NELL2: variants seen among roughly 807,000 people sequenced by gnomAD.
The protein encoded by NELL2 is protein kinase C-binding protein NELL2.
Under a neutral mutation model 109.6 loss-of-function variants are expected in NELL2, and 41 were observed. The ratio of observed to expected loss-of-function variants is 0.37; its 90% CI spans 0.29 to 0.49. The LOEUF is 0.49. Among genes scored for constraint, NELL2 ranks in the 20% least tolerant of loss-of-function variants. The pLI, the probability that NELL2 is intolerant of heterozygous loss-of-function variation, is 0.98. For synonymous variants in NELL2, 355 were observed against 344.7 expected (o/e 1.03, Z -0.33); for missense variants, 900 against 1,008.3 (o/e 0.89, Z 1.45).
chr12:44,911,671 A>C (rs1456735520), intron 1 of NELL2, among the ~76,000 whole-genome samples: 2 of 151,714 alleles, frequency 1.3e-5, no homozygotes, highest in Admixed American at 1.3e-4. Context: ...TACTATGTTA[A>C]GTTCTAGGGA....
chr12:44,876,154 G>C lies in NELL2; in HGVS notation c.-285C>G. 7.9e-7 allele frequency: 1 copy of C among 1,265,200 alleles called. No individual in the cohort carries two copies. The highest frequency in any genetic ancestry group is 2.3e-5 in the South Asian group (1 of 43,996). The allele number at this position is 1,265,200 out of a possible 1,614,324, so 78.4% of individuals were successfully genotyped here. On this transcript the variant is annotated 5_prime_UTR_variant, in exon 1 of 20. Transcript: ENST00000429094. Reference sequence around the variant, plus strand: ...CGGAGGGAGGGGTCGGACTCGCCCCGGCGCGGCTCCGTCGGGGAATTAGCT... The same window carrying C: ...CGGAGGGAGGGGTCGGACTCGCCCCCGCGCGGCTCCGTCGGGGAATTAGCT...
intron 19 of NELL2, among the ~76,000 whole-genome samples, chr12:44,512,384 G>T (rs898296342): frequency 2.6e-5 from 4 of 151,894 alleles, no homozygotes; most frequent in African/African-American, 9.7e-5. Flanking sequence ...TGGTGGGACT[G>T]TAAATTAGTA....
chr12:44,517,322 T>C (rs1592055920), intron 19 of NELL2, among the ~76,000 whole-genome samples: 1 of 152,124 alleles, frequency 6.6e-6, no homozygotes, highest in South Asian at 2.1e-4. Flanking sequence ...TAGTTTTTGA[T>C]AGATAAAGGC....
chr12:44,695,320 T>C (rs575650663), intron 12 of NELL2, among the ~76,000 whole-genome samples: 83 of 151,774 alleles, frequency 5.5e-4, no homozygotes, highest in South Asian at 2.1e-3. Flanking sequence ...GAAGCAGCAT[T>C]CAATTTTTAA....
intron 19 of NELL2, among the ~76,000 whole-genome samples, chr12:44,511,745 T>C (rs1485442480): frequency 6.6e-6 from 1 of 152,200 alleles, no homozygotes; most frequent in African/African-American, 2.4e-5. Flanking sequence ...CAGATCTGTG[T>C]CCTTCTAAGA....
chr12:44,646,382 A>G (rs1413245724), intron 13 of NELL2, among the ~76,000 whole-genome samples: 2 of 152,200 alleles, frequency 1.3e-5, no homozygotes, highest in African/African-American at 4.8e-5. Context: ...CTGCTTATTG[A>G]TGGAGAATAT....
At chr12:44,898,024 C>T (rs77324302) in intron 1 of NELL2, among the ~76,000 whole-genome samples, 2,384 of 152,244 alleles carry the variant, frequency 0.016, 30 homozygotes, top group Non-Finnish European at 0.024. Context: ...GTAAAGCCCA[C>T]CAAAGTGCTG....
chr12:44,591,911 T>G (rs1944766777), intron 15 of NELL2, among the ~76,000 whole-genome samples: 1 of 152,138 alleles, frequency 6.6e-6, no homozygotes, highest in Non-Finnish European at 1.5e-5. Context: ...CACTTAAAAT[T>G]TTAAAAATTA....
chr12:44,581,429 A>T (rs1372898242), intron 15 of NELL2, among the ~76,000 whole-genome samples: 1 of 152,152 alleles, frequency 6.6e-6, no homozygotes, highest in Non-Finnish European at 1.5e-5. Context: ...ATTACAAAAC[A>T]CTCTTCTAAA....
At chr12:44,511,586 G>A (rs972378684) in intron 19 of NELL2, among the ~76,000 whole-genome samples, 3 of 152,174 alleles carry the variant, frequency 2.0e-5, no homozygotes, top group Non-Finnish European at 2.9e-5. Flanking sequence ...TATAAAAGAA[G>A]AAGTGAATCA....
intron 17 of NELL2, 127 bp downstream of exon 17, chr12:44,523,164 T>C: frequency 2.2e-6 from 2 of 922,706 alleles, no homozygotes; most frequent in Middle Eastern, 3.3e-4. Flanking sequence ...AGTGTTCTGT[T>C]ATATTAATTG....
At chr12:44,664,441 A>G (rs1004861073) in intron 13 of NELL2, among the ~76,000 whole-genome samples, 1 of 152,098 alleles carries the variant, frequency 6.6e-6, no homozygotes, top group Admixed American at 6.6e-5. Context: ...ATTTAGAAGA[A>G]GATCCTTCCC....
chr12:44,891,085 C>T (rs1406936841), intron 1 of NELL2, among the ~76,000 whole-genome samples: 4 of 152,172 alleles, frequency 2.6e-5, no homozygotes, highest in African/African-American at 9.7e-5. Flanking sequence ...TTCTCTATCG[C>T]TGCCCCTCCA....
intron 12 of NELL2, among the ~76,000 whole-genome samples, chr12:44,701,406 T>C (rs1949225047): frequency 6.6e-6 from 1 of 152,116 alleles, no homozygotes; most frequent in Non-Finnish European, 1.5e-5. Context: ...GCATTCAAGA[T>C]GAAAACAGCT....
intron 2 of NELL2, among the ~76,000 whole-genome samples, chr12:44,830,338 AC>A (rs1265314158): frequency 5.9e-5 from 9 of 152,170 alleles, no homozygotes; most frequent in African/African-American, 1.9e-4. Flanking sequence ...GGCTAATTTG[AC>A]CTGAAACATC....
chr12:44,855,432 C>T (rs1480689501), intron 2 of NELL2, among the ~76,000 whole-genome samples: 1 of 152,214 alleles, frequency 6.6e-6, no homozygotes, highest in Non-Finnish European at 1.5e-5. Flanking sequence ...TCTTTCTATA[C>T]ATGACTGTCC....
intron 12 of NELL2, among the ~76,000 whole-genome samples, chr12:44,666,062 T>A (rs1566117565): frequency 6.6e-6 from 1 of 152,190 alleles, no homozygotes; most frequent in African/African-American, 2.4e-5. Context: ...CAACTTCACT[T>A]AAAGATATGA....
At chr12:44,723,242 T>C (rs938676317) in intron 9 of NELL2, among the ~76,000 whole-genome samples, 6 of 151,892 alleles carry the variant, frequency 4.0e-5, no homozygotes, top group African/African-American at 1.5e-4. Flanking sequence ...GTTAAAAAAT[T>C]CTGAGGGTAG....
intron 13 of NELL2, among the ~76,000 whole-genome samples, chr12:44,625,864 C>T (rs1397257832): frequency 6.6e-6 from 1 of 152,004 alleles, no homozygotes; most frequent in Non-Finnish European, 1.5e-5. Flanking sequence ...GGTTGAAACA[C>T]TGAAGCTCGC....
Sources: allele counts gnomAD v4.1 joint callset (sites outside exome capture counted in the v4.1 genomes callset), GRCh38; gene constraint gnomAD v4.1.1; transcripts MANE v1.5; gene names NCBI Gene and HGNC (gene_info 2026-07-23, HGNC 2026-07-21).